The following SRPK2 variants were observed in gnomAD, a reference collection of about 807,000 sequenced individuals.
SRPK2 encodes the protein SRSF protein kinase 2.
SRPK2 carries 21 observed loss-of-function variants against 90.8 expected under a neutral mutation model. The observed-to-expected ratio is 0.23, with a 90% confidence interval of 0.16 to 0.33. The LOEUF is 0.33. Among genes scored for constraint, SRPK2 ranks in the 10% least tolerant of loss-of-function variants. The pLI is 1.00. For missense variants in SRPK2, 620 were observed against 869.0 expected, an observed-to-expected ratio of 0.71 and a Z score of 3.60; for synonymous variants, 288 against 311.1, an observed-to-expected ratio of 0.93 and a Z score of 0.78.
At chr7:105,189,197 C>G (rs1392039930) in intron 3 of SRPK2, 1 of 154,702 alleles carries the variant, frequency 6.5e-6, no homozygotes, top group Non-Finnish European at 1.4e-5. Context: ...CGCACCACAG[C>G]CCCTGAATTC....
At position 105,295,641 on chromosome 7, in the gene SRPK2, T is replaced by C. The variant is rs1392701856; in HGVS notation, c.72-91856A>G. 2.6e-5 allele frequency among the ~76,000 whole-genome samples: 4 copies of C among 152,332 alleles called. No individual in the cohort carries two copies. In the South Asian group the frequency reaches 6.2e-4, roughly 24 times the overall value. ...GAAGGGAAAATGGGGAGTTGCTGTT[T>C]AATGGGTACAGAGTTTCTGTTTGAA... is the stretch of plus-strand genomic sequence containing the variant. On this transcript the variant is annotated intron_variant, in intron 2 of 15. Transcript: ENST00000393651.
chr7:105,219,577 G>T (rs78777967), intron 2 of SRPK2, among the ~76,000 whole-genome samples: 3 of 152,192 alleles, frequency 2.0e-5, no homozygotes, highest in South Asian at 4.1e-4. Context: ...TAAGTATGAC[G>T]TTAGCTATGT....
chr7:105,251,884 C>T (rs1013353552), intron 2 of SRPK2, among the ~76,000 whole-genome samples: 3 of 152,162 alleles, frequency 2.0e-5, no homozygotes, highest in Admixed American at 6.6e-5. Context: ...AATTCAGTGT[C>T]GTGGCTTGAG....
At chr7:105,378,269 T>C (rs988138556) in intron 2 of SRPK2, among the ~76,000 whole-genome samples, 2 of 152,172 alleles carry the variant, frequency 1.3e-5, no homozygotes, top group African/African-American at 4.8e-5. Flanking sequence ...AGTTTGCTTT[T>C]AGATTACAAA....
chr7:105,268,273 G>A (rs1192756283), intron 2 of SRPK2, among the ~76,000 whole-genome samples: 2 of 152,176 alleles, frequency 1.3e-5, no homozygotes, highest in Non-Finnish European at 2.9e-5. Flanking sequence ...CAGACTTGAA[G>A]AAGCATCATA....
At chr7:105,143,483 G>A (rs1804096606) in intron 9 of SRPK2, 153 bp from the exon 10 acceptor site, 1 of 959,856 alleles carries the variant, frequency 1.0e-6, no homozygotes, top group Non-Finnish European at 1.5e-6. Flanking sequence ...TTTGTGGTAA[G>A]GCTTACGATA....
At chr7:105,328,999 A>G (rs886952665) in intron 2 of SRPK2, among the ~76,000 whole-genome samples, 5 of 152,044 alleles carry the variant, frequency 3.3e-5, no homozygotes, top group African/African-American at 1.2e-4. Flanking sequence ...TGGGCAACAT[A>G]GCGAAACCCC....
At chr7:105,145,366 T>A in intron 8 of SRPK2, 58 bp from the exon 9 acceptor site, 1 of 1,330,004 alleles carries the variant, frequency 7.5e-7, no homozygotes, top group Non-Finnish European at 1.0e-6. Context: ...TGCCTTCATG[T>A]AGGTCATTCG....
intron 2 of SRPK2, among the ~76,000 whole-genome samples, chr7:105,358,344 CA>C (rs1194986681): frequency 6.6e-6 from 1 of 150,718 alleles, no homozygotes; most frequent in African/African-American, 2.5e-5. Flanking sequence ...GTATTATACA[CA>C]ATATTCCTAC....
At chr7:105,133,558 T>C (rs183481696) in intron 11 of SRPK2, among the ~76,000 whole-genome samples, 3 of 152,324 alleles carry the variant, frequency 2.0e-5, no homozygotes, top group East Asian at 1.9e-4. Flanking sequence ...CACAGTTCCT[T>C]GGACGCCACA....
At chr7:105,359,438 A>C (rs191198503) in intron 2 of SRPK2, among the ~76,000 whole-genome samples, 36 of 152,194 alleles carry the variant, frequency 2.4e-4, no homozygotes, top group African/African-American at 7.0e-4. Flanking sequence ...GATTACAGGC[A>C]TGAGCCACTG....
intron 2 of SRPK2, among the ~76,000 whole-genome samples, chr7:105,317,240 T>C (rs1812412776): frequency 6.6e-6 from 1 of 152,242 alleles, no homozygotes; most frequent in Non-Finnish European, 1.5e-5. Flanking sequence ...CAAATCAATG[T>C]GGTGGCCCCA....
chr7:105,297,882 C>T lies in SRPK2; in HGVS notation c.71+90766G>A, dbSNP rs549822408. Among the ~76,000 whole-genome samples the T allele has an allele frequency of 3.9e-5, 6 of 152,128 alleles. No individual in the cohort carries two copies. The South Asian group carries it at 1.0e-3, about 26-fold the overall frequency. ...TCAGCCTCCCAAGTAGCTGGAATTA[C>T]AGGCATGCGCCACTATGCCCAGCTA... On this transcript the variant is annotated intron_variant, in intron 2 of 15. Transcript: ENST00000393651.
At chr7:105,214,852 C>T (rs77182224) in intron 2 of SRPK2, among the ~76,000 whole-genome samples, 2,253 of 152,248 alleles carry the variant, frequency 0.015, 57 homozygotes, top group African/African-American at 0.05. Context: ...ATTCCTAAAA[C>T]TCATATGGAA....
chr7:105,205,513 TCTCTCACACA>T lies in SRPK2; in HGVS notation c.72-1738_72-1729del, dbSNP rs1341866393. On this transcript the variant is annotated intron_variant, in intron 2 of 15. Coordinates refer to ENST00000393651, the MANE Select transcript of SRPK2 (RefSeq NM_182692.3). ...AATATTCATTCTCTCTCTCTCTCTCTCTCTCACACACACACACACACACACACACACACAC... is the reference window on the plus strand; with the variant it reads ...AATATTCATTCTCTCTCTCTCTCTCTCACACACACACACACACACACACAC... 7.8e-3 allele frequency among the ~76,000 whole-genome samples: 475 copies of T among 61,108 alleles called. 3 individuals are homozygous for T. The highest frequency in any genetic ancestry group is 0.024 in the East Asian group (65 of 2,734). 40.1% of individuals were successfully genotyped at this position (61,108 alleles called of 152,430 possible). A position where few individuals can be genotyped will look rare whatever the true frequency, so the allele number is the denominator to read the frequency against.
At chr7:105,176,996 T>C (rs1792048549) in intron 3 of SRPK2, among the ~76,000 whole-genome samples, 1 of 152,282 alleles carries the variant, frequency 6.6e-6, no homozygotes, top group African/African-American at 2.4e-5. Flanking sequence ...ACTTTTCTAA[T>C]GGACTGTCAT....
intron 1 of SRPK2, chr7:105,399,090 C>G (rs1364398655): frequency 3.3e-5 from 5 of 152,124 alleles, no homozygotes; most frequent in Non-Finnish European, 5.9e-5. Context: ...TGTTATTTAT[C>G]TATTGCTGTA....
chr7:105,263,139 A>G lies in SRPK2; in HGVS notation c.72-59354T>C, dbSNP rs569431033. Among the ~76,000 whole-genome samples, 4 of 152,252 alleles carry G rather than the reference A, an allele frequency of 2.6e-5. No individual in the cohort carries two copies. The East Asian group carries it at 7.7e-4, about 29-fold the overall frequency. On this transcript the variant is annotated intron_variant, in intron 2 of 15. Transcript: ENST00000393651. The stretch of plus-strand genomic sequence containing the variant: ...GGAGTTTGAGACCAGCCTGGCCAAC[A>G]AGGCAAAACCCCGTGTCTACTAAAA...
intron 2 of SRPK2, among the ~76,000 whole-genome samples, chr7:105,307,365 A>T (rs1380532766): frequency 6.6e-6 from 1 of 152,230 alleles, no homozygotes. Context: ...ACCCAAAAAG[A>T]AGTATAGAGA....
Sources: gnomAD v4.1 joint callset for allele counts (sites outside exome capture counted in the v4.1 genomes callset) on GRCh38, gnomAD v4.1.1 for gene constraint, MANE v1.5 for transcripts, NCBI Gene and HGNC (gene_info 2026-07-23, HGNC 2026-07-21) for gene names.